The following STX8 variants were observed in gnomAD, a reference collection of about 807,000 sequenced individuals.
STX8 encodes syntaxin 8.
STX8 carries 23 observed loss-of-function variants against 37.5 expected under a neutral mutation model. The observed-to-expected ratio is 0.61, with a 90% CI of 0.44 to 0.87. The LOEUF is 0.87. Ranked by LOEUF, STX8 falls within the 40% of genes least tolerant of loss-of-function variation. The probability of loss-of-function intolerance (pLI) is 0.00; values close to 1 mark genes in which losing one functional copy is unlikely to be tolerated. For synonymous variants in STX8, 115 were observed against 99.1 expected (o/e 1.16, Z -0.95); for missense variants, 313 against 284.7 (o/e 1.10, Z -0.71).
chr17:9,471,440 C>G (rs529780419), intron 6 of STX8, among the ~76,000 whole-genome samples: 54 of 152,108 alleles, frequency 3.6e-4, no homozygotes, highest in African/African-American at 1.2e-3. Context: ...CATGAGCCAC[C>G]GCGCCCGGCC....
intron 7 of STX8, among the ~76,000 whole-genome samples, chr17:9,299,571 G>A (rs1222012013): frequency 6.6e-6 from 1 of 151,102 alleles, no homozygotes; most frequent in Non-Finnish European, 1.5e-5. Context: ...AGCCTCCTGA[G>A]TAGCTGGGAC....
intron 4 of STX8, among the ~76,000 whole-genome samples, chr17:9,539,091 GAAT>G (rs889935093): frequency 2.3e-4 from 35 of 152,248 alleles, no homozygotes; most frequent in Admixed American, 2.2e-3. Flanking sequence ...TACTGCTTTA[GAAT>G]AATGACCAGT....
intron 7 of STX8, among the ~76,000 whole-genome samples, chr17:9,286,198 T>G (rs1260137872): frequency 1.3e-5 from 2 of 152,166 alleles, no homozygotes; most frequent in African/African-American, 4.8e-5. Flanking sequence ...TGGCTCAAAT[T>G]TGCAACTTAA....
chr17:9,368,146 T>C (rs2142268586), intron 7 of STX8, among the ~76,000 whole-genome samples: 1 of 152,358 alleles, frequency 6.6e-6, no homozygotes, highest in African/African-American at 2.4e-5. Context: ...CTAAAAATTC[T>C]ACTTAACTTT....
chr17:9,515,368 T>G (rs1905132501), intron 4 of STX8, among the ~76,000 whole-genome samples: 1 of 152,122 alleles, frequency 6.6e-6, no homozygotes, highest in Admixed American at 6.6e-5. Context: ...GGAAGAAAAT[T>G]TTTGATTCCT....
At chr17:9,268,644 C>T (rs1019619556) in intron 7 of STX8, among the ~76,000 whole-genome samples, 2 of 152,158 alleles carry the variant, frequency 1.3e-5, no homozygotes, top group Non-Finnish European at 2.9e-5. Flanking sequence ...CTGCCATTTT[C>T]GGAGTTGGCT....
At chr17:9,356,828 G>A (rs1910893499) in intron 7 of STX8, among the ~76,000 whole-genome samples, 1 of 152,128 alleles carries the variant, frequency 6.6e-6, no homozygotes. Flanking sequence ...GGCAATCCCA[G>A]GAGTACTGTG....
intron 7 of STX8, among the ~76,000 whole-genome samples, chr17:9,304,926 T>A (rs60476472): frequency 0.071 from 7,831 of 110,782 alleles, 683 homozygotes; most frequent in African/African-American, 0.26. Context: ...AAAAAAAAAA[T>A]ATGTATATAT....
intron 6 of STX8, among the ~76,000 whole-genome samples, chr17:9,390,069 G>A (rs1407731016): frequency 6.6e-6 from 1 of 152,172 alleles, no homozygotes; most frequent in South Asian, 2.1e-4. Flanking sequence ...CCAGGCTTTG[G>A]GGACACAGGG....
intron 6 of STX8, among the ~76,000 whole-genome samples, chr17:9,438,501 C>T (rs773942059): frequency 6.6e-5 from 10 of 152,000 alleles, no homozygotes; most frequent in South Asian, 2.1e-4. Context: ...TTGGGAAACA[C>T]GGCTTTAGAC....
intron 6 of STX8, among the ~76,000 whole-genome samples, chr17:9,472,310 G>A (rs778962389): frequency 1.3e-5 from 2 of 152,256 alleles, no homozygotes; most frequent in South Asian, 2.1e-4. Flanking sequence ...CTTTATCCAC[G>A]TCCATGAGTA....
chr17:9,467,904 A>G (rs1011529913), intron 6 of STX8, among the ~76,000 whole-genome samples: 4 of 152,192 alleles, frequency 2.6e-5, no homozygotes, highest in Non-Finnish European at 1.5e-5. Flanking sequence ...AGTGGGAGCT[A>G]TAGGACAGAT....
At chr17:9,462,845 C>G (rs1466052793) in intron 6 of STX8, among the ~76,000 whole-genome samples, 1 of 152,180 alleles carries the variant, frequency 6.6e-6, no homozygotes, top group African/African-American at 2.4e-5. Flanking sequence ...GGGGTATGTT[C>G]TGGATTCCTC....
intron 7 of STX8, among the ~76,000 whole-genome samples, chr17:9,267,827 A>G (rs1206419802): frequency 1.3e-5 from 2 of 152,046 alleles, no homozygotes; most frequent in African/African-American, 4.8e-5. Context: ...CATCTCTACT[A>G]AAAATACGAA....
At chr17:9,419,002 C>T (rs1330078005) in intron 6 of STX8, among the ~76,000 whole-genome samples, 3 of 148,950 alleles carry the variant, frequency 2.0e-5, no homozygotes, top group Admixed American at 1.3e-4. Context: ...CAGTTCACTA[C>T]AGCCTCAACC....
chr17:9,386,445 A>G (rs1278290345), intron 6 of STX8, among the ~76,000 whole-genome samples: 2 of 152,188 alleles, frequency 1.3e-5, no homozygotes, highest in Non-Finnish European at 2.9e-5. Flanking sequence ...GACATGAGGA[A>G]ACTTTCTGGG....
chr17:9,317,245 G>A (rs910470140), intron 7 of STX8, among the ~76,000 whole-genome samples: 1 of 152,146 alleles, frequency 6.6e-6, no homozygotes, highest in Non-Finnish European at 1.5e-5. Context: ...GGATAGGGCT[G>A]ACTACTCAAA....
intron 6 of STX8, among the ~76,000 whole-genome samples, chr17:9,459,288 C>T (rs779726035): frequency 6.6e-6 from 1 of 152,148 alleles, no homozygotes; most frequent in Non-Finnish European, 1.5e-5. Context: ...AATAAAGAGC[C>T]TGGACGAGGG....
At chr17:9,253,207 G>GGGGTGTGTGTGT (rs750265739) in intron 7 of STX8, among the ~76,000 whole-genome samples, 20 of 140,942 alleles carry the variant, frequency 1.4e-4, no homozygotes, top group East Asian at 6.2e-4. Context: ...CAGGGGTAGG[G>GGGGTGTGTGTGT]GTGTGTGTGT....
Sources: allele counts gnomAD v4.1 joint callset (sites outside exome capture counted in the v4.1 genomes callset), GRCh38; gene constraint gnomAD v4.1.1; transcripts MANE v1.5; gene names NCBI Gene and HGNC (gene_info 2026-07-23, HGNC 2026-07-21).